PAK1: variants seen among roughly 807,000 people sequenced by gnomAD.
PAK1 encodes the protein p21 (RAC1) activated kinase 1.
PAK1 carries 29 observed loss-of-function variants against 67.4 expected under a neutral mutation model. That is an observed-to-expected ratio of 0.43 (90% CI 0.32 to 0.59). The LOEUF is 0.59. PAK1 is among the 20% of genes least tolerant of loss of function. The probability of loss-of-function intolerance (pLI) is 0.07; values close to 1 mark genes in which losing one functional copy is unlikely to be tolerated. For synonymous variants in PAK1, 223 were observed against 237.4 expected (o/e 0.94, Z 0.56); for missense variants, 337 against 670.7 (o/e 0.50, Z 5.50).
Position 77,452,619 on chromosome 11 carries a change from A to G in PAK1, c.-22+20933T>C, listed in dbSNP as rs190289654. 7.9e-5 allele frequency among the ~76,000 whole-genome samples: 12 copies of G among 152,264 alleles called. No individual in the cohort carries two copies. The East Asian group carries it at 1.9e-3, about 24-fold the overall frequency. On this transcript the variant is annotated intron_variant, in intron 1 of 14. Transcript: ENST00000356341. ...TTGCCACTCAAGCAGTAACTTTCTA[A>G]AAGAAAAAAAAAGACTGGTTATTTA...
intron 4 of PAK1, among the ~76,000 whole-genome samples, chr11:77,378,508 T>G (rs1312810288): frequency 6.6e-6 from 1 of 152,222 alleles, no homozygotes; most frequent in African/African-American, 2.4e-5. Context: ...ACAATAATGA[T>G]GACAATGATA....
intron 1 of PAK1, among the ~76,000 whole-genome samples, chr11:77,452,102 G>A (rs560590031): frequency 8.5e-5 from 13 of 152,296 alleles, no homozygotes; most frequent in East Asian, 7.7e-4. Context: ...AATAAGTGAT[G>A]GAGCTAAAAA....
chr11:77,418,965 T>C (rs923463713), intron 1 of PAK1, among the ~76,000 whole-genome samples: 1 of 152,252 alleles, frequency 6.6e-6, no homozygotes, highest in South Asian at 2.1e-4. Flanking sequence ...GAACCACTAA[T>C]ATCTTCAGCG....
At chr11:77,512,414 A>G in the PAK1 span, among the ~76,000 whole-genome samples, 6 of 151,992 alleles carry the variant, frequency 3.9e-5, no homozygotes, top group Non-Finnish European at 5.9e-5. Flanking sequence ...TTGCAGACCA[A>G]ACTTTGTGTT....
At chr11:77,403,891 T>G (rs1209835172) in intron 1 of PAK1, among the ~76,000 whole-genome samples, 1 of 152,216 alleles carries the variant, frequency 6.6e-6, no homozygotes, top group Non-Finnish European at 1.5e-5. Context: ...GATTGGGTCA[T>G]GAGGGCTCTG....
At chr11:77,524,530 CT>C in the PAK1 span, among the ~76,000 whole-genome samples, 1 of 152,208 alleles carries the variant, frequency 6.6e-6, no homozygotes, top group Non-Finnish European at 1.5e-5. Context: ...GAGAAACTTT[CT>C]TTGAGCAAGC....
intron 4 of PAK1, among the ~76,000 whole-genome samples, chr11:77,374,757 C>T (rs1362150249): frequency 1.3e-5 from 2 of 152,152 alleles, no homozygotes; most frequent in African/African-American, 2.4e-5. Flanking sequence ...TATTGTATAG[C>T]CTATTGCTTT....
At chr11:77,508,590 C>A in the PAK1 span, among the ~76,000 whole-genome samples, 1 of 151,498 alleles carries the variant, frequency 6.6e-6, no homozygotes, top group Non-Finnish European at 1.5e-5. Flanking sequence ...CTCGTGGTCT[C>A]ATAAGTGGGC....
chr11:77,339,383 A>G (rs780343681), intron 11 of PAK1, among the ~76,000 whole-genome samples: 12 of 152,132 alleles, frequency 7.9e-5, no homozygotes, highest in African/African-American at 2.2e-4. Context: ...GCTTAGCTAT[A>G]TATCTGTGAT....
At chr11:77,349,372 TC>T in intron 8 of PAK1, 85 bp from the exon 9 acceptor site, 18 of 976,282 alleles carry the variant, frequency 1.8e-5, no homozygotes, top group Non-Finnish European at 2.2e-5. Flanking sequence ...CTACACACAA[TC>T]TGTGAGTGTC....
chr11:77,521,653 C>T, the PAK1 span, among the ~76,000 whole-genome samples: 2 of 152,142 alleles, frequency 1.3e-5, no homozygotes, highest in Non-Finnish European at 2.9e-5. Flanking sequence ...TGTCTTGTGA[C>T]ACACCCAGAT....
chr11:77,484,008 T>C, the PAK1 span, among the ~76,000 whole-genome samples: 4 of 152,124 alleles, frequency 2.6e-5, no homozygotes, highest in Non-Finnish European at 4.4e-5. Flanking sequence ...ATTCTCTCTT[T>C]CTCTGGAATT....
At chr11:77,361,791 A>C (rs942601056) in intron 5 of PAK1, among the ~76,000 whole-genome samples, 4 of 152,124 alleles carry the variant, frequency 2.6e-5, no homozygotes, top group Non-Finnish European at 5.9e-5. Context: ...AAGAGTACCA[A>C]ATTTATTACT....
chr11:77,364,595 G>C (rs1207513220), intron 5 of PAK1, among the ~76,000 whole-genome samples: 2 of 152,086 alleles, frequency 1.3e-5, no homozygotes, highest in Non-Finnish European at 2.9e-5. Context: ...GGGGCTATCA[G>C]TATCCAGAAT....
intron 5 of PAK1, among the ~76,000 whole-genome samples, chr11:77,365,251 C>CAAAAAAAA (rs1364090865): frequency 6.6e-5 from 3 of 45,528 alleles, no homozygotes; most frequent in African/African-American, 1.6e-4. Context: ...GACTCTGTCT[C>CAAAAAAAA]AAAAAAAAAA....
chr11:77,504,327 T>G, the PAK1 span, among the ~76,000 whole-genome samples: 1 of 152,210 alleles, frequency 6.6e-6, no homozygotes, highest in African/African-American at 2.4e-5. Context: ...TCCTTATATT[T>G]TTGTAATCTC....
intron 1 of PAK1, among the ~76,000 whole-genome samples, chr11:77,404,426 C>T (rs1165427160): frequency 4.6e-5 from 7 of 152,066 alleles, no homozygotes; most frequent in African/African-American, 1.7e-4. Flanking sequence ...GGCCACCACA[C>T]CAGGCTAATT....
chr11:77,413,238 G>A (rs779687883), intron 1 of PAK1, among the ~76,000 whole-genome samples: 5 of 152,168 alleles, frequency 3.3e-5, no homozygotes, highest in Non-Finnish European at 7.4e-5. Flanking sequence ...ATCACTGGCT[G>A]TTCAGTGGAG....
the PAK1 span, among the ~76,000 whole-genome samples, chr11:77,504,602 T>C: frequency 2.0e-5 from 3 of 152,240 alleles, no homozygotes; most frequent in Non-Finnish European, 2.9e-5. Flanking sequence ...ATACTGCATA[T>C]ACTTGTGTGA....
Sources: gnomAD v4.1 joint callset for allele counts (sites outside exome capture counted in the v4.1 genomes callset) on GRCh38, gnomAD v4.1.1 for gene constraint, MANE v1.5 for transcripts, NCBI Gene and HGNC (gene_info 2026-07-23, HGNC 2026-07-21) for gene names.